USP45: variants seen among roughly 807,000 people sequenced by gnomAD.
USP45 encodes the protein ubiquitin specific peptidase 45.
A neutral mutation model predicts 95.8 loss-of-function variants in USP45; 89 were observed. The ratio of observed to expected loss-of-function variants is 0.93; its 90% CI spans 0.78 to 1.11. The LOEUF (loss-of-function observed/expected upper bound fraction) is 1.11, where lower values mean the gene tolerates loss of function less well. Among genes scored for constraint, USP45 ranks in the 50% least tolerant of loss-of-function variants. The pLI, the probability that USP45 is intolerant of heterozygous loss-of-function variation, is 0.00. For synonymous variants in USP45, 281 were observed against 316.2 expected, an observed-to-expected ratio of 0.89 and a Z score of 1.18; for missense variants, 898 against 942.5, an observed-to-expected ratio of 0.95 and a Z score of 0.62.
chr6:99,488,902 A>T, intron 5 of USP45, 82 bp from the exon 6 acceptor site: 6 of 1,055,414 alleles, frequency 5.7e-6, no homozygotes, highest in Non-Finnish European at 7.6e-6. Context: ...ATTATTTAAA[A>T]TTAAATTTAA....
In USP45 at chr6:99,446,464, C is replaced by G; in HGVS notation, c.1309-1G>C. ...ATTTTCGGTCATGAATTAGTTGACTCTGTAAGTTGACAGTGTTTTCAAAGA... is the reference window on the plus strand; with the variant it reads ...ATTTTCGGTCATGAATTAGTTGACTGTGTAAGTTGACAGTGTTTTCAAAGA... On this transcript the variant is annotated splice_acceptor_variant, in intron 13 of 17. Coordinates refer to ENST00000500704, the MANE Select transcript of USP45 (RefSeq NM_001346022.3). LOFTEE classifies it high-confidence loss of function. The G allele has an allele frequency of 1.9e-6, 3 of 1,605,716 alleles. No individual in the cohort carries two copies. Among genetic ancestry groups the G allele is most frequent in the Non-Finnish European group, 2.5e-6 (3 of 1,177,310 alleles).
At chr6:99,445,766 T>G (rs2128552013) in intron 14 of USP45, 31 bp downstream of exon 14, 1 of 1,446,528 alleles carries the variant, frequency 6.9e-7, no homozygotes, top group African/African-American at 1.4e-5. Flanking sequence ...TATCAGGAGA[T>G]CAATAATTAT....
At chr6:99,516,134 T>C (rs984941783), upstream of USP45, among the ~76,000 whole-genome samples, 2 of 151,500 alleles carry the variant, frequency 1.3e-5, no homozygotes, top group African/African-American at 4.9e-5. Flanking sequence ...ACATTCGTCA[T>C]ATATTATTGT....
intron 13 of USP45, among the ~76,000 whole-genome samples, chr6:99,455,474 A>G (rs2128590931): frequency 6.6e-6 from 1 of 151,956 alleles, no homozygotes; most frequent in East Asian, 1.9e-4. Context: ...AACAACAACA[A>G]CAACAACAAA....
chr6:99,515,308 G>C (rs1800948516), intron 1 of USP45, 84 bp downstream of exon 1: 1 of 152,208 alleles, frequency 6.6e-6, no homozygotes, highest in African/African-American at 2.4e-5. Flanking sequence ...CACCCACAAG[G>C]GGGTCAAGGT....
In USP45 at chr6:99,464,644, T is replaced by C. The variant is rs996815202; in HGVS notation, c.1268A>G (p.Gln423Arg). The change falls in exon 13 of 18, where the codon CAA becomes CGA. Residue 423 changes from glutamine (Q) to arginine (R), a missense_variant. Transcript: ENST00000500704. Reference protein sequence around the residue: ...SGNVTIENIHQPRAAKKHSSS... With the variant: ...SGNVTIENIHRPRAAKKHSSS... Reference sequence around the variant, plus strand: ...AGAATGCTTCTTGGCAGCTCTAGGTTGATGAATATTTTCTATAGTAACATT... The same window carrying C: ...AGAATGCTTCTTGGCAGCTCTAGGTCGATGAATATTTTCTATAGTAACATT... 2 of 1,613,324 alleles carry C rather than the reference T, an allele frequency of 1.2e-6. No individual in the cohort carries two copies. The highest frequency in any genetic ancestry group is 1.7e-6 in the Non-Finnish European group (2 of 1,179,844).
rs2128512027 is a variant in USP45 at position 99,433,439 on chromosome 6, C to G, written c.*2277G>C. On this transcript the variant is annotated 3_prime_UTR_variant, in exon 18 of 18. Transcript: ENST00000500704. ...GTAGACTTGCTACTATATACATTTA[C>G]TATCCCTGCAAATGTGCTTTGGAAA... 6.5e-6 allele frequency: 1 copy of G among 152,672 alleles called. No individual in the cohort carries two copies. The highest frequency in any genetic ancestry group is 1.5e-5 in the Non-Finnish European group (1 of 68,002). The allele number at this position is 152,672 out of a possible 1,614,324, so 9.5% of individuals were successfully genotyped here. A position where few individuals can be genotyped will look rare whatever the true frequency, so the allele number is the denominator to read the frequency against.
chr6:99,436,380 C>T (rs533326050), intron 17 of USP45, among the ~76,000 whole-genome samples: 6 of 151,774 alleles, frequency 4.0e-5, no homozygotes, highest in Admixed American at 6.6e-5. Context: ...GGTGAAACCC[C>T]GTCTCTAATT....
chr6:99,443,509 A>G (rs1192018470), intron 15 of USP45, 56 bp downstream of exon 15: 11 of 1,223,766 alleles, frequency 9.0e-6, no homozygotes, highest in Non-Finnish European at 7.1e-6. Flanking sequence ...ATTCTATAGG[A>G]CTTAATGCTC....
intron 8 of USP45, among the ~76,000 whole-genome samples, chr6:99,478,220 G>GT (rs71021740): frequency 0.059 from 5,848 of 99,312 alleles, 168 homozygotes; most frequent in South Asian, 0.13. Flanking sequence ...ACTTAGATTT[G>GT]TTTTTTTTTT....
At chr6:99,458,417 T>C (rs1185291393) in intron 13 of USP45, among the ~76,000 whole-genome samples, 2 of 152,116 alleles carry the variant, frequency 1.3e-5, no homozygotes, top group African/African-American at 4.8e-5. Context: ...ACCTGAGACA[T>C]AGTGGCAAGA....
chr6:99,483,814 C>T (rs113883446), intron 7 of USP45, among the ~76,000 whole-genome samples: 2 of 111,900 alleles, frequency 1.8e-5, no homozygotes, highest in South Asian at 7.1e-4. Flanking sequence ...GTCCGCAGTC[C>T]GGCCTGGGCG....
chr6:99,480,869 T>C (rs780109364), intron 8 of USP45, among the ~76,000 whole-genome samples: 22 of 152,158 alleles, frequency 1.4e-4, no homozygotes, highest in Admixed American at 3.3e-4. Context: ...TTTACTTGAT[T>C]TTAAAAAAAT....
At chr6:99,437,076 G>C (rs1465553800) in intron 17 of USP45, among the ~76,000 whole-genome samples, 170 bp downstream of exon 17, 1 of 151,342 alleles carries the variant, frequency 6.6e-6, no homozygotes, top group East Asian at 1.9e-4. Flanking sequence ...ACTCCAGCTT[G>C]GATGACTGAG....
At chr6:99,458,384 C>G (rs1037121075) in intron 13 of USP45, among the ~76,000 whole-genome samples, 4 of 152,140 alleles carry the variant, frequency 2.6e-5, no homozygotes, top group African/African-American at 9.7e-5. Flanking sequence ...AAACACCATC[C>G]ATGTACAAGC....
At chr6:99,449,552 A>G (rs1018390094) in intron 13 of USP45, among the ~76,000 whole-genome samples, 3 of 152,186 alleles carry the variant, frequency 2.0e-5, no homozygotes, top group African/African-American at 7.2e-5. Flanking sequence ...AGAGACCTAC[A>G]AAGAAACTTA....
At chr6:99,491,260 G>A (rs573174296) in intron 5 of USP45, among the ~76,000 whole-genome samples, 2 of 152,286 alleles carry the variant, frequency 1.3e-5, no homozygotes, top group East Asian at 3.9e-4. Flanking sequence ...AGGCCAGGTA[G>A]TTTTCAAATG....
chr6:99,445,255 C>T (rs771169030), intron 14 of USP45, among the ~76,000 whole-genome samples: 6 of 152,016 alleles, frequency 3.9e-5, no homozygotes, highest in Admixed American at 1.3e-4. Context: ...GAGGCCAAGG[C>T]GGGTGGATCA....
chr6:99,451,330 G>C (rs1471195574), intron 13 of USP45, among the ~76,000 whole-genome samples: 4 of 152,196 alleles, frequency 2.6e-5, no homozygotes, highest in Non-Finnish European at 5.9e-5. Context: ...AGCAACTTCA[G>C]CAAAGTCTCA....
Sources: gnomAD v4.1 joint callset for allele counts (sites outside exome capture counted in the v4.1 genomes callset) on GRCh38, gnomAD v4.1.1 for gene constraint, MANE v1.5 for transcripts, NCBI Gene and HGNC (gene_info 2026-07-23, HGNC 2026-07-21) for gene names.